LRP1B: variants seen among roughly 807,000 people sequenced by gnomAD.
LRP1B encodes LDL receptor related protein 1B.
LRP1B carries 217 observed loss-of-function variants against 556.6 expected under a neutral mutation model. The ratio of observed to expected loss-of-function variants is 0.39; its 90% CI spans 0.35 to 0.44. The LOEUF (loss-of-function observed/expected upper bound fraction) is 0.44, where lower values mean the gene tolerates loss of function less well. LRP1B is among the 20% of genes least tolerant of loss of function. LRP1B has a pLI of 1.00. For missense variants in LRP1B, 5,053 were observed against 5,620.8 expected (o/e 0.90, Z 3.23); for synonymous variants, 2,047 against 1,865.8 (o/e 1.10, Z -2.50).
At chr2:141,218,083 T>C (rs1261682958) in intron 6 of LRP1B, among the ~76,000 whole-genome samples, 1 of 151,738 alleles carries the variant, frequency 6.6e-6, no homozygotes, top group Non-Finnish European at 1.5e-5. Context: ...AAATAACAGA[T>C]GTTGGTGAGA....
chr2:141,732,331 T>A lies in LRP1B; in HGVS notation c.205+77948A>T, dbSNP rs919015777. Among the ~76,000 whole-genome samples the A allele has an allele frequency of 2.7e-5, 4 of 146,684 alleles. No individual in the cohort carries two copies. In the East Asian group the frequency reaches 8.4e-4, roughly 31 times the overall value. ...ACCCAGATTCCTAAAATATAATATA[T>A]CTGCATTTATGAAAATAGTTTTTTT... On this transcript the variant is annotated intron_variant, in intron 2 of 90. Coordinates refer to ENST00000389484, the MANE Select transcript of LRP1B (RefSeq NM_018557.3).
chr2:141,283,828 GA>G (rs77543232), intron 3 of LRP1B, among the ~76,000 whole-genome samples: 15,344 of 132,716 alleles, frequency 0.12, 929 homozygotes, highest in East Asian at 0.17. Context: ...CACTTTAAAA[GA>G]AAAAAAAAAA....
At chr2:141,713,359 T>C (rs753720907) in intron 2 of LRP1B, among the ~76,000 whole-genome samples, 1 of 152,240 alleles carries the variant, frequency 6.6e-6, no homozygotes, top group African/African-American at 2.4e-5. Context: ...TATTTTAAAA[T>C]GTAGTTTTAA....
intron 1 of LRP1B, among the ~76,000 whole-genome samples, chr2:142,062,826 T>C (rs2104895522): frequency 6.6e-6 from 1 of 151,832 alleles, no homozygotes; most frequent in South Asian, 2.1e-4. Flanking sequence ...CCAGATACTT[T>C]CAACATGAAC....
chr2:140,786,050 G>T (rs1689885901), intron 32 of LRP1B, among the ~76,000 whole-genome samples: 1 of 152,154 alleles, frequency 6.6e-6, no homozygotes, highest in African/African-American at 2.4e-5. Context: ...GAACACTGGA[G>T]TAATCATTCT....
rs948507654 is a variant in LRP1B, at chr2:140,454,781, T to A, written c.9963+1674A>T. Among the ~76,000 whole-genome samples the A allele has an allele frequency of 1.4e-4, 22 of 152,190 alleles. 1 individual carries two copies. Among genetic ancestry groups the A allele is most frequent in the African/African-American group, 5.3e-4 (22 of 41,456 alleles). On this transcript the variant is annotated intron_variant, in intron 62 of 90. Coordinates refer to ENST00000389484, the MANE Select transcript of LRP1B (RefSeq NM_018557.3). Reference sequence around the variant, plus strand: ...GTTTTCATATATAATATTTGAAAAGTGTTATCCCTTTGATGCCTGTAGTGA... The same window carrying A: ...GTTTTCATATATAATATTTGAAAAGAGTTATCCCTTTGATGCCTGTAGTGA...
intron 35 of LRP1B, among the ~76,000 whole-genome samples, chr2:140,724,658 C>A (rs1574284789): frequency 6.6e-6 from 1 of 152,030 alleles, no homozygotes; most frequent in East Asian, 1.9e-4. Flanking sequence ...TCTTTATTCC[C>A]TTGTAGAGAA....
intron 41 of LRP1B, among the ~76,000 whole-genome samples, chr2:140,670,070 C>T (rs1409941507): frequency 2.6e-5 from 4 of 152,122 alleles, no homozygotes; most frequent in Non-Finnish European, 4.4e-5. Context: ...TGGCAAACTT[C>T]TCTAAGAATG....
chr2:140,316,500 A>G (rs1036993379), intron 82 of LRP1B, among the ~76,000 whole-genome samples: 22 of 152,146 alleles, frequency 1.4e-4, no homozygotes, highest in Admixed American at 1.2e-3. Flanking sequence ...TCATGTAGGC[A>G]GGATTCAGAT....
chr2:140,473,760 T>A (rs16844063), intron 60 of LRP1B, among the ~76,000 whole-genome samples: 8,536 of 151,890 alleles, frequency 0.056, 296 homozygotes, highest in African/African-American at 0.078. Flanking sequence ...ATATACAACC[T>A]CCTAGCACTT....
intron 31 of LRP1B, among the ~76,000 whole-genome samples, chr2:140,834,759 T>G (rs1691842609): frequency 6.6e-6 from 1 of 152,134 alleles, no homozygotes; most frequent in Non-Finnish European, 1.5e-5. Flanking sequence ...TAACATTTCA[T>G]TATACCTAAT....
intron 32 of LRP1B, among the ~76,000 whole-genome samples, chr2:140,787,799 T>C (rs1207390908): frequency 6.6e-6 from 1 of 151,966 alleles, no homozygotes; most frequent in Non-Finnish European, 1.5e-5. Context: ...TGTTTAGAAC[T>C]CCTGGCCTCA....
At chr2:141,811,647 C>T (rs16847221) in intron 1 of LRP1B, among the ~76,000 whole-genome samples, 4,846 of 152,052 alleles carry the variant, frequency 0.032, 266 homozygotes, top group African/African-American at 0.11. Context: ...ATAGCTATTT[C>T]GTGACAACTC....
chr2:141,855,532 C>T (rs1202781921), intron 1 of LRP1B, among the ~76,000 whole-genome samples: 6 of 152,072 alleles, frequency 3.9e-5, no homozygotes, highest in Non-Finnish European at 8.8e-5. Flanking sequence ...GAGTGATTTT[C>T]AGTGGTGAAA....
intron 1 of LRP1B, among the ~76,000 whole-genome samples, chr2:142,008,344 A>T (rs1702858463): frequency 6.6e-6 from 1 of 152,212 alleles, no homozygotes. Context: ...TGATGCAGTC[A>T]GTCAGCTTTG....
chr2:140,925,975 TC>T (rs1413214473), intron 20 of LRP1B, among the ~76,000 whole-genome samples: 1 of 152,124 alleles, frequency 6.6e-6, no homozygotes, highest in African/African-American at 2.4e-5. Context: ...CATAAGTGAA[TC>T]CACTCATTTG....
chr2:140,274,305 G>A (rs767441975), intron 85 of LRP1B, 119 bp downstream of exon 85: 3 of 845,094 alleles, frequency 3.5e-6, no homozygotes, highest in Non-Finnish European at 5.6e-6. Flanking sequence ...AAACTGCAAT[G>A]GGCACAATAC....
At chr2:141,458,625 C>T (rs1357984574) in intron 3 of LRP1B, among the ~76,000 whole-genome samples, 2 of 150,914 alleles carry the variant, frequency 1.3e-5, no homozygotes, top group Admixed American at 6.7e-5. Flanking sequence ...TATCTAATAG[C>T]ATTTCGGATC....
intron 3 of LRP1B, among the ~76,000 whole-genome samples, chr2:141,342,964 CAG>C (rs1688124756): frequency 6.6e-6 from 1 of 152,100 alleles, no homozygotes; most frequent in South Asian, 2.1e-4. Flanking sequence ...ATGTTAAGGG[CAG>C]CCAGAGAGAA....
Sources: gnomAD v4.1 joint callset for allele counts (sites outside exome capture counted in the v4.1 genomes callset) on GRCh38, gnomAD v4.1.1 for gene constraint, MANE v1.5 for transcripts, NCBI Gene and HGNC (gene_info 2026-07-23, HGNC 2026-07-21) for gene names.